Variants in MDGA2 observed in about 807,000 individuals in gnomAD.
The protein encoded by MDGA2 is MAM domain-containing glycosylphosphatidylinositol anchor protein 2.
MDGA2 carries 40 observed loss-of-function variants against 117.8 expected under a neutral mutation model. The ratio of observed to expected loss-of-function variants is 0.34; its 90% CI spans 0.26 to 0.44. The LOEUF (loss-of-function observed/expected upper bound fraction) is 0.44. Among genes scored for constraint, MDGA2 ranks in the 20% least tolerant of loss-of-function variants. MDGA2 has a pLI of 1.00. For synonymous variants in MDGA2, 452 were observed against 439.0 expected, an observed-to-expected ratio of 1.03 and a Z score of -0.37; for missense variants, 1,123 against 1,250.6, an observed-to-expected ratio of 0.90 and a Z score of 1.54.
intron 10 of MDGA2, among the ~76,000 whole-genome samples, chr14:46,901,819 C>G (rs1027918504): frequency 1.3e-5 from 2 of 152,168 alleles, no homozygotes; most frequent in African/African-American, 2.4e-5. Context: ...TTCTCTGAAC[C>G]ACATTGGCAT....
At chr14:47,064,309 G>A (rs1300557911) in intron 6 of MDGA2, among the ~76,000 whole-genome samples, 1 of 151,970 alleles carries the variant, frequency 6.6e-6, no homozygotes, top group African/African-American at 2.4e-5. Flanking sequence ...GGGAAAAAGA[G>A]AAACAAGTCT....
At chr14:47,180,969 G>GCAACA (rs1884679387) in intron 3 of MDGA2, among the ~76,000 whole-genome samples, 1 of 151,998 alleles carries the variant, frequency 6.6e-6, no homozygotes, top group Non-Finnish European at 1.5e-5. Flanking sequence ...AAACACAGAT[G>GCAACA]CTGGTGAGGT....
chr14:47,105,117 G>T (rs1880575366), intron 5 of MDGA2, among the ~76,000 whole-genome samples: 1 of 151,736 alleles, frequency 6.6e-6, no homozygotes, highest in African/African-American at 2.4e-5. Flanking sequence ...ACGCCGCCTT[G>T]GTCCTTCACC....
intron 1 of MDGA2, among the ~76,000 whole-genome samples, chr14:47,576,107 T>G (rs956951107): frequency 6.6e-6 from 1 of 152,214 alleles, no homozygotes; most frequent in Non-Finnish European, 1.5e-5. Flanking sequence ...ACTGTTTATA[T>G]GTATGCTTAT....
At chr14:46,960,033 G>A (rs1478994315) in intron 8 of MDGA2, among the ~76,000 whole-genome samples, 1 of 151,856 alleles carries the variant, frequency 6.6e-6, no homozygotes, top group East Asian at 1.9e-4. Context: ...ACCAGCCTGG[G>A]CAACATAGTG....
At chr14:47,437,005 C>G (rs936822283) in intron 1 of MDGA2, among the ~76,000 whole-genome samples, 1 of 152,172 alleles carries the variant, frequency 6.6e-6, no homozygotes, top group Non-Finnish European at 1.5e-5. Context: ...GTTGATTTGT[C>G]TCTCTCTAAC....
At chr14:47,051,496 G>A (rs1055395778) in intron 7 of MDGA2, among the ~76,000 whole-genome samples, 1 of 151,738 alleles carries the variant, frequency 6.6e-6, no homozygotes, top group African/African-American at 2.4e-5. Flanking sequence ...AATGTTGAAT[G>A]AAAAATAATC....
intron 6 of MDGA2, among the ~76,000 whole-genome samples, chr14:47,074,543 G>A (rs760368455): frequency 1.3e-5 from 2 of 152,092 alleles, no homozygotes; most frequent in East Asian, 1.9e-4. Context: ...CTCGTGATCC[G>A]CCCGCTTCGC....
At chr14:47,466,130 A>G (rs184967711) in intron 1 of MDGA2, among the ~76,000 whole-genome samples, 8 of 152,176 alleles carry the variant, frequency 5.3e-5, no homozygotes, top group African/African-American at 1.9e-4. Flanking sequence ...AGATCTTATA[A>G]GCACAAAAAG....
chr14:47,497,424 T>C (rs1894304581), intron 1 of MDGA2, among the ~76,000 whole-genome samples: 1 of 152,002 alleles, frequency 6.6e-6, no homozygotes, highest in South Asian at 2.1e-4. Flanking sequence ...GCCCAGCTAA[T>C]TTTTCTATTT....
At chr14:47,472,970 C>A (rs11847447) in intron 1 of MDGA2, among the ~76,000 whole-genome samples, 1 of 151,862 alleles carries the variant, frequency 6.6e-6, no homozygotes, top group Non-Finnish European at 1.5e-5. Flanking sequence ...GACAATTCTA[C>A]AGTTGTATAA....
intron 1 of MDGA2, among the ~76,000 whole-genome samples, chr14:47,583,263 AT>A (rs1896262442): frequency 6.6e-6 from 1 of 151,822 alleles, no homozygotes; most frequent in African/African-American, 2.4e-5. Flanking sequence ...ATTAGACTGT[AT>A]GGTCAGGAAG....
chr14:46,886,696 G>T (rs1349667239), intron 10 of MDGA2, among the ~76,000 whole-genome samples: 1 of 151,932 alleles, frequency 6.6e-6, no homozygotes, highest in Admixed American at 6.6e-5. Flanking sequence ...TTAATAAAGA[G>T]AATTAGAGAA....
intron 15 of MDGA2, among the ~76,000 whole-genome samples, chr14:46,851,553 G>C (rs897380023): frequency 1.3e-5 from 2 of 151,646 alleles, no homozygotes; most frequent in East Asian, 3.9e-4. Flanking sequence ...CAAACTAATT[G>C]GACACACTCA....
chr14:47,674,594 A>C lies in MDGA2; in HGVS notation c.203T>G (p.Val68Gly). 6.4e-7 allele frequency: 1 copy of C among 1,551,132 alleles called. No individual in the cohort carries two copies. The highest frequency in any genetic ancestry group is 8.7e-7 in the Non-Finnish European group (1 of 1,146,656). ...TPWAGYVHVH[V>G]KMDLLYGLVW... Reference sequence around the variant, plus strand: ...GAGACCGTACAGTAAATCCATCTTCACGTGAACATGAACATATCCAGCCCA... The same window carrying C: ...GAGACCGTACAGTAAATCCATCTTCCCGTGAACATGAACATATCCAGCCCA... The change falls in exon 1 of 17, where the codon GTG (valine) becomes GGG (glycine). Residue 68 changes from valine (V) to glycine (G), a missense_variant. Transcript: ENST00000399232.
chr14:47,375,805 CTG>C (rs1274639382), intron 1 of MDGA2, among the ~76,000 whole-genome samples: 1 of 152,022 alleles, frequency 6.6e-6, no homozygotes, highest in African/African-American at 2.4e-5. Flanking sequence ...GAATTATTTG[CTG>C]TGATTTATCA....
Position 47,247,530 on chromosome 14 carries a change from T to C in MDGA2, c.421-29335A>G, listed in dbSNP as rs183170507. Among the ~76,000 whole-genome samples, 874 of 151,662 alleles carry C rather than the reference T, an allele frequency of 5.8e-3. 20 individuals carry two copies. Among genetic ancestry groups the C allele is most frequent in the Non-Finnish European group, 8.5e-3 (575 of 67,730 alleles). ...GTTGGTCAGGCTGGTCTCGAACTCCTGACCTCAAATGATCTGCCCACCTGG... is the reference window on the plus strand; with the variant it reads ...GTTGGTCAGGCTGGTCTCGAACTCCCGACCTCAAATGATCTGCCCACCTGG... On this transcript the variant is annotated intron_variant, in intron 2 of 16. Coordinates refer to ENST00000399232, the MANE Select transcript of MDGA2 (RefSeq NM_001113498.3).
At chr14:46,907,556 T>C (rs183509349) in intron 10 of MDGA2, among the ~76,000 whole-genome samples, 19 of 152,310 alleles carry the variant, frequency 1.2e-4, no homozygotes, top group South Asian at 1.0e-3. Flanking sequence ...ATATTATACA[T>C]ATGTATTTGA....
chr14:47,223,583 C>T lies in MDGA2; in HGVS notation c.421-5388G>A, dbSNP rs374515441. 2.2e-4 allele frequency among the ~76,000 whole-genome samples: 33 copies of T among 152,218 alleles called. No homozygotes were observed. The South Asian group carries it at 6.4e-3, about 30-fold the overall frequency. ...GAAAGGCTAGGAAATATACTCTTTA[C>T]TCTGAATAGCACCTTCTTCCTATCC... is the stretch of plus-strand genomic sequence containing the variant. On this transcript the variant is annotated intron_variant, in intron 2 of 16. Coordinates refer to ENST00000399232, the MANE Select transcript of MDGA2 (RefSeq NM_001113498.3).
Sources: allele counts gnomAD v4.1 joint callset (sites outside exome capture counted in the v4.1 genomes callset), GRCh38; gene constraint gnomAD v4.1.1; transcripts MANE v1.5; gene names NCBI Gene and HGNC (gene_info 2026-07-23, HGNC 2026-07-21).